SLC10A7: variants seen among roughly 807,000 people sequenced by gnomAD.
The protein encoded by SLC10A7 is solute carrier family 10 member 7.
Under a neutral mutation model 43.2 loss-of-function variants are expected in SLC10A7, and 29 were observed. The ratio of observed to expected loss-of-function variants is 0.67; its 90% CI spans 0.50 to 0.92. SLC10A7 has a LOEUF of 0.92. Among genes scored for constraint, SLC10A7 ranks in the 40% least tolerant of loss-of-function variants. The pLI is 0.00. For synonymous variants in SLC10A7, 152 were observed against 144.8 expected (o/e 1.05, Z -0.35); for missense variants, 295 against 403.2 (o/e 0.73, Z 2.30).
At chr4:146,389,958 T>C (rs1738297977) in intron 5 of SLC10A7, among the ~76,000 whole-genome samples, 1 of 152,238 alleles carries the variant, frequency 6.6e-6, no homozygotes. Context: ...GCTCAATAAA[T>C]GTTAGCTGAA....
In SLC10A7 at chr4:146,422,129, T is replaced by C. The variant is rs151073749; in HGVS notation, c.435+20654A>G. ...TTTCAGTATTGAAAAGAGCCAAGCA[T>C]ACAAAGTCAAAATAATAATAGATCA... On this transcript the variant is annotated intron_variant, in intron 5 of 11. Transcript: ENST00000335472. Among the ~76,000 whole-genome samples the C allele has an allele frequency of 6.0e-4, 91 of 152,274 alleles. No individual in the cohort carries two copies. In the East Asian group the frequency reaches 0.015, roughly 25 times the overall value.
intron 5 of SLC10A7, among the ~76,000 whole-genome samples, chr4:146,337,619 C>T (rs1054279983): frequency 6.6e-6 from 1 of 151,942 alleles, no homozygotes; most frequent in East Asian, 1.9e-4. Flanking sequence ...GTACTAGGAA[C>T]TGTGCTAAGT....
chr4:146,521,776 G>A lies in SLC10A7; in HGVS notation c.-59C>T. 4 of 1,369,898 alleles carry A rather than the reference G, an allele frequency of 2.9e-6. No homozygotes were observed. Among genetic ancestry groups the A allele is most frequent in the Admixed American group, 3.4e-5 (2 of 59,038 alleles). 84.9% of individuals were successfully genotyped at this position (1,369,898 alleles called of 1,614,324 possible). On this transcript the variant is annotated 5_prime_UTR_variant, in exon 1 of 12. Coordinates refer to ENST00000335472, the MANE Select transcript of SLC10A7 (RefSeq NM_001029998.6). ...TTGGCTTTTTTTCTTTTCAAGCTCC[G>A]ATCACCTAATCCTTGGAGCGTCTCC... is the stretch of plus-strand genomic sequence containing the variant.
intron 1 of SLC10A7, among the ~76,000 whole-genome samples, chr4:146,517,620 C>G (rs1259998324): frequency 6.6e-6 from 1 of 152,092 alleles, no homozygotes; most frequent in African/African-American, 2.4e-5. Context: ...TTCCAGAGGG[C>G]AAGGACCGTG....
At chr4:146,366,507 T>C (rs1435529988) in intron 5 of SLC10A7, among the ~76,000 whole-genome samples, 1 of 152,186 alleles carries the variant, frequency 6.6e-6, no homozygotes, top group Non-Finnish European at 1.5e-5. Flanking sequence ...TCATGTCTAC[T>C]TCTTGGGGTT....
At chr4:146,395,123 C>T (rs72952566) in intron 5 of SLC10A7, among the ~76,000 whole-genome samples, 24 of 152,176 alleles carry the variant, frequency 1.6e-4, no homozygotes, top group African/African-American at 4.3e-4. Flanking sequence ...AATCCCAGCA[C>T]CTTTGGAGGT....
intron 5 of SLC10A7, among the ~76,000 whole-genome samples, chr4:146,418,151 C>T (rs950646393): frequency 3.3e-5 from 5 of 152,140 alleles, no homozygotes; most frequent in South Asian, 2.1e-4. Context: ...TTAGCATTTG[C>T]GCTCTTCTTC....
At chr4:146,329,526 T>C (rs1376018636) in intron 5 of SLC10A7, among the ~76,000 whole-genome samples, 1 of 152,148 alleles carries the variant, frequency 6.6e-6, no homozygotes, top group African/African-American at 2.4e-5. Flanking sequence ...CTGAGTGAAG[T>C]AGGAAGAAGC....
chr4:146,515,281 C>A, intron 2 of SLC10A7: 1 of 641,858 alleles, frequency 1.6e-6, no homozygotes. Flanking sequence ...GAAAGCAGTT[C>A]CATAAAGAGC....
intron 3 of SLC10A7, among the ~76,000 whole-genome samples, chr4:146,509,074 T>C (rs142258726): frequency 6.6e-6 from 1 of 152,280 alleles, no homozygotes; most frequent in African/African-American, 2.4e-5. Context: ...AACTCTGAAA[T>C]CTAAATTAAT....
chr4:146,256,241 T>G lies in SLC10A7; in HGVS notation c.*250A>C, dbSNP rs919739554. ...TTTGCTTTTTGTCACTTACCATGAC[T>G]GATTCCTGCATTAGGAAAGCAAAAT... On this transcript the variant is annotated 3_prime_UTR_variant, in exon 12 of 12. Coordinates refer to ENST00000335472, the MANE Select transcript of SLC10A7 (RefSeq NM_001029998.6). 2 of 524,608 alleles carry G rather than the reference T, an allele frequency of 3.8e-6. No homozygotes were observed. Among genetic ancestry groups the G allele is most frequent in the Non-Finnish European group, 6.8e-6 (2 of 292,946 alleles). The allele number at this position is 524,608 out of a possible 1,614,324, so 32.5% of individuals were successfully genotyped here. A position where few individuals can be genotyped will look rare whatever the true frequency, so the allele number is the denominator to read the frequency against.
chr4:146,333,047 G>A (rs182527603), intron 5 of SLC10A7, among the ~76,000 whole-genome samples: 1 of 152,160 alleles, frequency 6.6e-6, no homozygotes, highest in East Asian at 1.9e-4. Context: ...GGTGCCGAGG[G>A]GAAAAGGTGA....
intron 5 of SLC10A7, among the ~76,000 whole-genome samples, chr4:146,404,482 G>A (rs1443761426): frequency 7.2e-6 from 1 of 139,036 alleles, no homozygotes; most frequent in Non-Finnish European, 1.6e-5. Flanking sequence ...ATTTATGTGT[G>A]TGTGTGTGTG....
intron 5 of SLC10A7, among the ~76,000 whole-genome samples, chr4:146,372,446 C>A (rs1273965944): frequency 8.9e-6 from 1 of 112,686 alleles, no homozygotes; most frequent in Non-Finnish European, 1.8e-5. Flanking sequence ...AGAGGGAAAC[C>A]CTGTTTCAAA....
rs116571658 is a variant in SLC10A7 at position 146,263,519 on chromosome 4, T to C, written c.848-4682A>G. Among the ~76,000 whole-genome samples the C allele has an allele frequency of 7.9e-3, 1,206 of 152,300 alleles. 13 individuals carry two copies. The highest frequency in any genetic ancestry group is 0.023 in the African/African-American group (936 of 41,550). ...AATAATTAAAAAACCCAAACAAACTTACTAGAAAGAGTTTTCCTTTTAAAG... is the reference window on the plus strand; with the variant it reads ...AATAATTAAAAAACCCAAACAAACTCACTAGAAAGAGTTTTCCTTTTAAAG... On this transcript the variant is annotated intron_variant, in intron 10 of 11. Transcript: ENST00000335472.
chr4:146,277,813 C>T (rs1455153437), intron 10 of SLC10A7, among the ~76,000 whole-genome samples: 3 of 146,764 alleles, frequency 2.0e-5, no homozygotes, highest in African/African-American at 7.7e-5. Context: ...GGCTGGCTCA[C>T]TAGATCTACT....
chr4:146,487,897 TA>T (rs574778849), intron 4 of SLC10A7, among the ~76,000 whole-genome samples: 70 of 142,356 alleles, frequency 4.9e-4, no homozygotes, highest in East Asian at 8.1e-4. Flanking sequence ...TCTACAAAAT[TA>T]AAAAAAAAAA....
intron 4 of SLC10A7, among the ~76,000 whole-genome samples, chr4:146,466,496 G>A (rs975003913): frequency 2.6e-5 from 4 of 152,100 alleles, no homozygotes; most frequent in Admixed American, 6.5e-5. Context: ...CCCAAGATCA[G>A]GAGCTCACAG....
At chr4:146,362,760 G>GT (rs1184526529) in intron 5 of SLC10A7, among the ~76,000 whole-genome samples, 12 of 151,776 alleles carry the variant, frequency 7.9e-5, no homozygotes, top group Non-Finnish European at 1.5e-5. Context: ...TTCCTTGCGT[G>GT]TTTTTTTCTT....
Sources: gnomAD v4.1 joint callset for allele counts (sites outside exome capture counted in the v4.1 genomes callset) on GRCh38, gnomAD v4.1.1 for gene constraint, MANE v1.5 for transcripts, NCBI Gene and HGNC (gene_info 2026-07-23, HGNC 2026-07-21) for gene names.